Variants in MRPL15 observed in about 807,000 individuals in gnomAD.
The protein encoded by MRPL15 is large ribosomal subunit protein uL15m.
Under a neutral mutation model 28.0 loss-of-function variants are expected in MRPL15, and 24 were observed. That is an observed-to-expected ratio of 0.86 (90% CI 0.62 to 1.21). The LOEUF is 1.21. Ranked by LOEUF, MRPL15 falls within the 50% of genes most tolerant of loss-of-function variation. The pLI is 0.00. For synonymous variants in MRPL15, 124 were observed against 137.0 expected (o/e 0.90, Z 0.66); for missense variants, 343 against 372.4 (o/e 0.92, Z 0.65).
At chr8:54,146,432 G>A (rs2129240488) in intron 4 of MRPL15, among the ~76,000 whole-genome samples, 1 of 148,758 alleles carries the variant, frequency 6.7e-6, no homozygotes, top group Non-Finnish European at 1.5e-5. Flanking sequence ...GGGCGACAGA[G>A]CGAGACTTTG....
intron 4 of MRPL15, among the ~76,000 whole-genome samples, chr8:54,145,888 C>G (rs1371627033): frequency 2.0e-5 from 3 of 152,192 alleles, no homozygotes; most frequent in Admixed American, 1.3e-4. Flanking sequence ...CAGAGCATGA[C>G]CTGGCTTTAG....
intron 3 of MRPL15, among the ~76,000 whole-genome samples, chr8:54,139,782 T>C (rs950753880): frequency 6.6e-6 from 1 of 152,210 alleles, no homozygotes; most frequent in African/African-American, 2.4e-5. Flanking sequence ...TGGAAACATG[T>C]TCTCAAGGAA....
At position 54,142,740 on chromosome 8, in the gene MRPL15, A is replaced by G. The variant is rs759779939; in HGVS notation, c.507A>G (p.Lys169=). ...ASELAIAAIE[K]NGGVVTTAFY... is the part of the protein sequence containing the mutation. Reference sequence around the variant, plus strand: ...AACTAGCTATTGCTGCCATTGAAAAAAATGGTGGTGTTGTTACTACAGCCT... The same window carrying G: ...AACTAGCTATTGCTGCCATTGAAAAGAATGGTGGTGTTGTTACTACAGCCT... Residue 169 remains lysine, a synonymous_variant, in exon 4 of 5, where the codon AAA becomes AAG. Coordinates refer to ENST00000260102, the MANE Select transcript of MRPL15 (RefSeq NM_014175.4). The G allele has an allele frequency of 1.9e-6, 3 of 1,614,194 alleles. No individual in the cohort carries two copies. In the South Asian group the frequency reaches 3.3e-5, roughly 18 times the overall value.
Position 54,148,497 on chromosome 8 carries a change from A to G in MRPL15, c.*778A>G, listed in dbSNP as rs1487015420. Among the ~76,000 whole-genome samples, 1 of 152,232 alleles carries G rather than the reference A, an allele frequency of 6.6e-6. No homozygotes were observed. Among genetic ancestry groups the G allele is most frequent in the African/African-American group, 2.4e-5 (1 of 41,472 alleles). ...TAGTAGAAGTCATGGGTCACGGAAG[A>G]GAACTGTGGAACCCAGTGACTAGTG... is the stretch of plus-strand genomic sequence containing the variant. On this transcript the variant is annotated 3_prime_UTR_variant, in exon 5 of 5. Transcript: ENST00000260102.
intron 4 of MRPL15, among the ~76,000 whole-genome samples, chr8:54,143,387 C>G (rs1161046495): frequency 1.3e-5 from 2 of 152,158 alleles, no homozygotes; most frequent in African/African-American, 2.4e-5. Flanking sequence ...CCCCTCTTTT[C>G]TCTTTTACCT....
intron 1 of MRPL15, 72 bp downstream of exon 1, chr8:54,135,463 A>G: frequency 7.6e-7 from 1 of 1,307,858 alleles, no homozygotes; most frequent in Non-Finnish European, 1.0e-6. Context: ...TCTCCCTGTC[A>G]TTAGGAGAAC....
At chr8:54,137,717 G>C (rs1390052531) in intron 3 of MRPL15, among the ~76,000 whole-genome samples, 1 of 152,184 alleles carries the variant, frequency 6.6e-6, no homozygotes, top group Non-Finnish European at 1.5e-5. Flanking sequence ...GCTCACCTCG[G>C]CCTCCCAAAG....
chr8:54,137,199 G>A, intron 2 of MRPL15, 69 bp from the exon 3 acceptor site: 18 of 1,470,318 alleles, frequency 1.2e-5, no homozygotes, highest in East Asian at 6.8e-5. Context: ...ACAAGACAAA[G>A]CTTTGAGTTG....
In MRPL15 at chr8:54,137,434, G is replaced by A. The variant is rs757022489; in HGVS notation, c.429+1G>A. 1.2e-6 allele frequency: 2 copies of A among 1,613,254 alleles called. No individual in the cohort carries two copies. The highest frequency in any genetic ancestry group is 1.7e-6 in the Non-Finnish European group (2 of 1,179,834). ...TTATGGTGTCCAGCTGGTTGAGGAG[G>A]TAAGTCTTGATTAGATCTTTTGGTG... On this transcript the variant is annotated splice_donor_variant, in intron 3 of 4. Coordinates refer to ENST00000260102, the MANE Select transcript of MRPL15 (RefSeq NM_014175.4). LOFTEE classifies it high-confidence loss of function.
In MRPL15 at chr8:54,138,301, C is replaced by CTTTTTTTTTT. The variant is rs71254537; in HGVS notation, c.429+887_429+896dup. Reference sequence around the variant, plus strand: ...TTGAATGTCAACATATCAGGAAGATCTTTTTTTTTTTTTTTTTTTTTTTTT... The same window carrying CTTTTTTTTTT: ...TTGAATGTCAACATATCAGGAAGATCTTTTTTTTTTTTTTTTTTTTTTTTTTTTTTTTTTT... On this transcript the variant is annotated intron_variant, in intron 3 of 4. Coordinates refer to ENST00000260102, the MANE Select transcript of MRPL15 (RefSeq NM_014175.4). Among the ~76,000 whole-genome samples, 66 of 57,010 alleles carry CTTTTTTTTTT rather than the reference C, an allele frequency of 1.2e-3. 7 individuals are homozygous for CTTTTTTTTTT. The highest frequency in any genetic ancestry group is 5.3e-3 in the African/African-American group (66 of 12,436). The allele number at this position is 57,010 out of a possible 152,430, so 37.4% of individuals were successfully genotyped here. A position where few individuals can be genotyped will look rare whatever the true frequency, so the allele number is the denominator to read the frequency against.
chr8:54,144,019 C>T (rs1023329194), intron 4 of MRPL15, among the ~76,000 whole-genome samples: 2 of 152,264 alleles, frequency 1.3e-5, no homozygotes, highest in African/African-American at 4.8e-5. Flanking sequence ...CGCACAGTCA[C>T]ATCCTGTCCC....
chr8:54,136,748 G>A, intron 2 of MRPL15, 83 bp downstream of exon 2: 1 of 1,484,034 alleles, frequency 6.7e-7, no homozygotes, highest in South Asian at 1.4e-5. Flanking sequence ...AAATTTTGGT[G>A]GAAATTGTAA....
rs1810832248 is a variant in MRPL15 at position 54,136,594 on chromosome 8, C to T, written c.192C>T (p.Arg64=). ...AAAGGCAAAGAGGAACCCGGCCCCG[C>T]TTGGGCTTTGAGGGAGGCCAGACTC... is the stretch of plus-strand genomic sequence containing the variant. The part of the protein sequence containing the change: ...KGERQRGTRP[R]LGFEGGQTPF... Residue 64 remains arginine (R), a synonymous_variant, in exon 2 of 5, where the codon CGC becomes CGT. Coordinates refer to ENST00000260102, the MANE Select transcript of MRPL15 (RefSeq NM_014175.4). The T allele has an allele frequency of 6.2e-7, 1 of 1,614,230 alleles. No homozygotes were observed. Among genetic ancestry groups the T allele is most frequent in the Non-Finnish European group, 8.5e-7 (1 of 1,180,032 alleles).
At chr8:54,135,769 T>A (rs2129239254) in intron 1 of MRPL15, among the ~76,000 whole-genome samples, 1 of 152,054 alleles carries the variant, frequency 6.6e-6, no homozygotes, top group Admixed American at 6.6e-5. Context: ...GCGATCCGCC[T>A]GCCTCGGCCT....
Position 54,136,508 on chromosome 8 carries a change from C to A in MRPL15, c.109-3C>A. On this transcript the variant is annotated splice_region_variant and splice_polypyrimidine_tract_variant and intron_variant, in intron 1 of 4. Transcript: ENST00000260102. Reference sequence around the variant, plus strand: ...TTCATAAAATTCTTTTTTTTCCTTGCAGGAGAGAAGACCAAGAGGTCGGAG... The same window carrying A: ...TTCATAAAATTCTTTTTTTTCCTTGAAGGAGAGAAGACCAAGAGGTCGGAG... 1 of 1,597,222 alleles carries A rather than the reference C, an allele frequency of 6.3e-7. No homozygotes were observed. Among genetic ancestry groups the A allele is most frequent in the Admixed American group, 1.8e-5 (1 of 54,150 alleles).
At chr8:54,137,162 A>G in intron 2 of MRPL15, 106 bp from the exon 3 acceptor site, 1 of 1,144,750 alleles carries the variant, frequency 8.7e-7, no homozygotes, top group East Asian at 2.4e-5. Context: ...GGTTTTGTTT[A>G]GTTAAATAAA....
chr8:54,144,472 T>A (rs922568895), intron 4 of MRPL15, among the ~76,000 whole-genome samples: 2 of 152,176 alleles, frequency 1.3e-5, no homozygotes, highest in African/African-American at 4.8e-5. Context: ...GAAAGCTTTT[T>A]AAAAATATTC....
chr8:54,146,396 G>A (rs920130460), intron 4 of MRPL15, among the ~76,000 whole-genome samples: 6 of 150,910 alleles, frequency 4.0e-5, no homozygotes, highest in Non-Finnish European at 7.4e-5. Flanking sequence ...GCAGTGAGCC[G>A]AGATCATGCC....
chr8:54,145,024 C>T (rs758840403), intron 4 of MRPL15, among the ~76,000 whole-genome samples: 1 of 152,162 alleles, frequency 6.6e-6, no homozygotes. Context: ...TGCCCTCTGC[C>T]ACACTGAGCT....
Sources: gnomAD v4.1 joint callset for allele counts (sites outside exome capture counted in the v4.1 genomes callset) on GRCh38, gnomAD v4.1.1 for gene constraint, MANE v1.5 for transcripts, NCBI Gene and HGNC (gene_info 2026-07-23, HGNC 2026-07-21) for gene names.